Variants in ANKFN1 observed in about 807,000 individuals in gnomAD.
ANKFN1 encodes ankyrin repeat and fibronectin type-III domain-containing protein 1.
In ANKFN1, 74 loss-of-function variants were observed where a neutral mutation model predicts 108.7. The ratio of observed to expected loss-of-function variants is 0.68; its 90% CI spans 0.56 to 0.83. The LOEUF is 0.83. ANKFN1 is among the 40% of genes least tolerant of loss of function. ANKFN1 has a pLI of 0.00. For missense variants in ANKFN1, 1,505 were observed against 1,382.3 expected (o/e 1.09, Z -1.41); for synonymous variants, 547 against 516.2 (o/e 1.06, Z -0.81).
chr17:56,313,666 T>C (rs1567906141), intron 3 of ANKFN1, among the ~76,000 whole-genome samples: 1 of 152,212 alleles, frequency 6.6e-6, no homozygotes, highest in African/African-American at 2.4e-5. Flanking sequence ...TTTGATCTTA[T>C]CTATCAAATG....
chr17:56,046,654 C>A (rs961017312), intron 4 of ANKFN1, among the ~76,000 whole-genome samples: 1 of 152,114 alleles, frequency 6.6e-6, no homozygotes, highest in African/African-American at 2.4e-5. Flanking sequence ...GGTTTCTTTC[C>A]CAAGTTTCTT....
rs571231191 is a variant in ANKFN1, at chr17:56,356,733, G to A, written c.601+2687G>A. ...GCCTTCCGGTTTATTCTGCAACAAC[G>A]TCTGTCCCAAAGATCCAGTGACAGA... is the stretch of plus-strand genomic sequence containing the variant. On this transcript the variant is annotated intron_variant, in intron 6 of 20. Transcript: ENST00000682825. 8.1e-4 allele frequency among the ~76,000 whole-genome samples: 124 copies of A among 152,282 alleles called. No homozygotes were observed. The Middle Eastern group carries it at 0.01, about 13-fold the overall frequency.
intron 4 of ANKFN1, among the ~76,000 whole-genome samples, chr17:56,081,684 C>T (rs191472893): frequency 2.0e-5 from 3 of 152,174 alleles, no homozygotes; most frequent in Non-Finnish European, 2.9e-5. Context: ...GACCTACTTC[C>T]GGCATCTTGT....
At chr17:56,273,139 CTT>C (rs1306251841) in intron 3 of ANKFN1, among the ~76,000 whole-genome samples, 3 of 152,110 alleles carry the variant, frequency 2.0e-5, no homozygotes, top group Admixed American at 6.5e-5. Flanking sequence ...TGTTTCCTTT[CTT>C]TTTTTATATT....
At chr17:56,279,038 CT>C (rs2044006038) in intron 3 of ANKFN1, among the ~76,000 whole-genome samples, 1 of 151,964 alleles carries the variant, frequency 6.6e-6, no homozygotes, top group Non-Finnish European at 1.5e-5. Context: ...AGTTTTTCTT[CT>C]TTAGTAAGAT....
At chr17:56,244,201 A>G (rs144960136) in intron 3 of ANKFN1, among the ~76,000 whole-genome samples, 130 of 152,282 alleles carry the variant, frequency 8.5e-4, no homozygotes, top group African/African-American at 3.0e-3. Context: ...TTTCAAAAAT[A>G]TGTATCAACA....
intron 1 of ANKFN1, among the ~76,000 whole-genome samples, chr17:56,157,010 A>G (rs1375024628): frequency 2.0e-5 from 3 of 152,154 alleles, no homozygotes; most frequent in Non-Finnish European, 2.9e-5. Context: ...GCTTTATTGT[A>G]TTTAGCTTAG....
chr17:56,351,197 A>G (rs1455368943), intron 5 of ANKFN1, among the ~76,000 whole-genome samples: 1 of 151,782 alleles, frequency 6.6e-6, no homozygotes, highest in Non-Finnish European at 1.5e-5. Context: ...TTCTCTCTTA[A>G]TTTTTATTTC....
chr17:56,280,008 C>CTTTT (rs3086033), intron 3 of ANKFN1, among the ~76,000 whole-genome samples: 5 of 134,860 alleles, frequency 3.7e-5, no homozygotes, highest in African/African-American at 1.2e-4. Flanking sequence ...CACATAATGT[C>CTTTT]TTTTTTTTTT....
At chr17:56,077,900 A>G (rs934761330) in intron 4 of ANKFN1, among the ~76,000 whole-genome samples, 5 of 152,104 alleles carry the variant, frequency 3.3e-5, no homozygotes, top group Non-Finnish European at 5.9e-5. Context: ...TGCTAAATAC[A>G]TCATCTCGTT....
chr17:56,456,401 C>CTTTTTTTTTTTTTT (rs397713657), intron 11 of ANKFN1, among the ~76,000 whole-genome samples: 9 of 115,478 alleles, frequency 7.8e-5, no homozygotes, highest in East Asian at 5.1e-4. Context: ...CTTTTTTTCT[C>CTTTTTTTTTTTTTT]TTTTTTTTTT....
chr17:56,476,008 A>G (rs975728418), intron 15 of ANKFN1, among the ~76,000 whole-genome samples: 2 of 152,168 alleles, frequency 1.3e-5, no homozygotes, highest in African/African-American at 4.8e-5. Context: ...GGGGAAGCAA[A>G]CACGTCTTAC....
At chr17:56,310,669 C>T (rs903093938) in intron 3 of ANKFN1, among the ~76,000 whole-genome samples, 1 of 151,468 alleles carries the variant, frequency 6.6e-6, no homozygotes, top group East Asian at 1.9e-4. Context: ...CTAAGGTGTA[C>T]AATTCCATGT....
intron 8 of ANKFN1, among the ~76,000 whole-genome samples, chr17:56,408,487 C>T (rs1048816792): frequency 1.3e-5 from 2 of 151,906 alleles, no homozygotes; most frequent in Non-Finnish European, 2.9e-5. Context: ...CGCTCTTATG[C>T]GGACCCACCA....
rs114937231 is a variant in ANKFN1, at chr17:56,459,889, C to A, written c.1557+1910C>A. On this transcript the variant is annotated intron_variant, in intron 14 of 20. Coordinates refer to ENST00000682825, the MANE Select transcript of ANKFN1 (RefSeq NM_001370326.1). ...ATAGACCTCACCACTTTTCATAATG[C>A]ATCAGCCCACTTCTGAAGTCATTTC... Among the ~76,000 whole-genome samples, 589 of 152,278 alleles carry A rather than the reference C, an allele frequency of 3.9e-3. 4 individuals are homozygous for A. The highest frequency in any genetic ancestry group is 0.013 in the African/African-American group (551 of 41,556).
At chr17:56,357,485 G>A (rs1013941271) in intron 6 of ANKFN1, among the ~76,000 whole-genome samples, 1 of 152,172 alleles carries the variant, frequency 6.6e-6, no homozygotes, top group African/African-American at 2.4e-5. Context: ...TAACCAATAT[G>A]GAGGGCCGTG....
rs149871578 is a variant in ANKFN1 at position 56,326,514 on chromosome 17, G to GCA, written c.188+172_188+173dup. Among the ~76,000 whole-genome samples, 315 of 151,720 alleles carry GCA rather than the reference G, an allele frequency of 2.1e-3. 2 individuals are homozygous for GCA. Among genetic ancestry groups the GCA allele is most frequent in the Admixed American group, 0.016 (242 of 15,232 alleles). Reference sequence around the variant, plus strand: ...GGTGGTCCATGAAGAATACACACAAGCACACACACACACAGTGGTCTGCAA... The same window carrying GCA: ...GGTGGTCCATGAAGAATACACACAAGCACACACACACACACAGTGGTCTGCAA... On this transcript the variant is annotated intron_variant, in intron 4 of 20. Coordinates refer to ENST00000682825, the MANE Select transcript of ANKFN1 (RefSeq NM_001370326.1).
At chr17:56,310,301 G>A (rs2044975419) in intron 3 of ANKFN1, among the ~76,000 whole-genome samples, 1 of 152,204 alleles carries the variant, frequency 6.6e-6, no homozygotes, top group South Asian at 2.1e-4. Flanking sequence ...GCACAAATTA[G>A]GAGAGACTGC....
intron 8 of ANKFN1, among the ~76,000 whole-genome samples, chr17:56,382,965 T>A (rs1308671476): frequency 6.6e-6 from 1 of 152,160 alleles, no homozygotes; most frequent in Admixed American, 6.5e-5. Context: ...AACTCAGCTC[T>A]GCACCAAGCA....
Sources: allele counts gnomAD v4.1 joint callset (sites outside exome capture counted in the v4.1 genomes callset), GRCh38; gene constraint gnomAD v4.1.1; transcripts MANE v1.5; gene names NCBI Gene and HGNC (gene_info 2026-07-23, HGNC 2026-07-21).